The following MACF1 variants were observed in gnomAD, a reference collection of about 807,000 sequenced individuals.
The protein encoded by MACF1 is microtubule actin crosslinking factor 1.
A neutral mutation model predicts 854.8 loss-of-function variants in MACF1; 193 were observed. The observed-to-expected ratio is 0.23, with a 90% confidence interval of 0.20 to 0.25. MACF1 has a LOEUF of 0.25. Ranked by LOEUF, MACF1 falls within the 10% of genes least tolerant of loss-of-function variation. MACF1 has a pLI of 1.00. For missense variants in MACF1, 7,722 were observed against 8,929.1 expected (o/e 0.86, Z 5.45); for synonymous variants, 3,185 against 3,226.7 (o/e 0.99, Z 0.44).
At chr1:39,376,295 C>T (rs772276955) in intron 52 of MACF1, among the ~76,000 whole-genome samples, 27 of 152,150 alleles carry the variant, frequency 1.8e-4, no homozygotes, top group Non-Finnish European at 3.1e-4. Flanking sequence ...CCCTAAAGCA[C>T]GTTTTTAGGG....
intron 2 of MACF1, among the ~76,000 whole-genome samples, chr1:39,119,248 C>T (rs897712206): frequency 9.7e-5 from 13 of 134,664 alleles, no homozygotes; most frequent in Non-Finnish European, 1.4e-4. Context: ...ACCCGGGAGG[C>T]GGAGGTTGCG....
At chr1:39,135,522 GCCACTGCGT>G (rs1643143564) in intron 2 of MACF1, among the ~76,000 whole-genome samples, 1 of 152,148 alleles carries the variant, frequency 6.6e-6, no homozygotes, top group Non-Finnish European at 1.5e-5. Flanking sequence ...ACAGATGTGA[GCCACTGCGT>G]CCGGCCAGAT....
At chr1:39,435,801 C>A in intron 70 of MACF1, 40 bp downstream of exon 70, 1 of 1,579,846 alleles carries the variant, frequency 6.3e-7, no homozygotes, top group Non-Finnish European at 8.7e-7. Flanking sequence ...GAATTGTCTA[C>A]TGTTCTAAAC....
At chr1:39,474,082 C>T (rs1187950532) in intron 97 of MACF1, among the ~76,000 whole-genome samples, 1 of 151,976 alleles carries the variant, frequency 6.6e-6, no homozygotes, top group Non-Finnish European at 1.5e-5. Context: ...AGCAAGACCC[C>T]ATCTCTGTTT....
At position 39,231,233 on chromosome 1, in the gene MACF1, A is replaced by T. The variant is rs1159295173; in HGVS notation, c.161A>T (p.His54Leu). The T allele has an allele frequency of 6.2e-7, 1 of 1,614,166 alleles. No homozygotes were observed. Among genetic ancestry groups the T allele is most frequent in the Non-Finnish European group, 8.5e-7 (1 of 1,180,000 alleles). Residue 54 changes from histidine (H) to leucine (L), a missense_variant, in exon 2 of 101, where the codon CAC becomes CTC. His to Leu is a moderately conservative substitution (Grantham distance 99, BLOSUM62 -3). This residue lies in a region of MACF1 where 82 missense variants were observed against 84.0 expected (regional missense o/e 0.98). Transcript: ENST00000564288. The stretch of plus-strand genomic sequence containing the variant: ...ACGTTCACCAAGTGGGTCAACAAGC[A>T]CTTAATGAAGGTAGGACCCTTTCAT... ...KKTFTKWVNKHLMKVRKHIND... is the reference protein window; with the variant it reads ...KKTFTKWVNKLLMKVRKHIND...
intron 2 of MACF1, among the ~76,000 whole-genome samples, chr1:39,186,214 C>CTCTG (rs1430618940): frequency 3.5e-5 from 2 of 57,952 alleles, no homozygotes; most frequent in South Asian, 8.6e-4. Flanking sequence ...CTCTCTCTCT[C>CTCTG]TGTGTGTGTG....
intron 2 of MACF1, among the ~76,000 whole-genome samples, chr1:39,111,162 T>C (rs74069435): frequency 0.016 from 2,505 of 152,276 alleles, 55 homozygotes; most frequent in African/African-American, 0.057. Flanking sequence ...TGGCATTTAC[T>C]AATTTTCTGG....
chr1:39,375,241 C>T (rs1382774776), intron 52 of MACF1, among the ~76,000 whole-genome samples: 1 of 151,994 alleles, frequency 6.6e-6, no homozygotes, highest in African/African-American at 2.4e-5. Flanking sequence ...ACTAACTTAA[C>T]GAATATAAAA....
intron 2 of MACF1, among the ~76,000 whole-genome samples, chr1:39,150,113 A>G (rs959978692): frequency 4.0e-5 from 6 of 151,534 alleles, no homozygotes; most frequent in African/African-American, 1.5e-4. Context: ...AACCTCCTGC[A>G]CTCAAGCAAT....
intron 58 of MACF1, among the ~76,000 whole-genome samples, chr1:39,392,246 T>A (rs75160908): frequency 0.018 from 2,723 of 152,186 alleles, 85 homozygotes; most frequent in African/African-American, 0.063. Context: ...GGAGAAAAAT[T>A]CTGTGTGTCA....
chr1:39,100,099 C>G (rs1469673683), intron 2 of MACF1, among the ~76,000 whole-genome samples: 2 of 152,086 alleles, frequency 1.3e-5, no homozygotes, highest in Non-Finnish European at 2.9e-5. Context: ...GCCTGTAGTC[C>G]TAGCTGCTGG....
rs184295942 is a variant in MACF1 at position 39,480,645 on chromosome 1, A to T, written c.22171-275A>T. Among the ~76,000 whole-genome samples the T allele has an allele frequency of 4.5e-3, 658 of 146,126 alleles. 1 individual carries two copies. The highest frequency in any genetic ancestry group is 7.7e-3 in the Non-Finnish European group (514 of 66,910). On this transcript the variant is annotated intron_variant, in intron 98 of 100. Coordinates refer to ENST00000564288, the MANE Select transcript of MACF1 (RefSeq NM_001394062.1). The stretch of plus-strand genomic sequence containing the variant: ...ACTCTGTCTCTAAAAAATAAAAATT[A>T]AAAAAAAAAAAAATAAGGAAAAAGG...
intron 15 of MACF1, among the ~76,000 whole-genome samples, chr1:39,289,566 T>G (rs1416337188): frequency 6.6e-6 from 1 of 152,138 alleles, no homozygotes; most frequent in African/African-American, 2.4e-5. Context: ...TCAAATCTTT[T>G]ACTCATTTTT....
At chr1:39,354,729 C>G (rs1647382214) in intron 44 of MACF1, among the ~76,000 whole-genome samples, 1 of 152,182 alleles carries the variant, frequency 6.6e-6, no homozygotes, top group Admixed American at 6.5e-5. Context: ...TAGCATTTCT[C>G]ATTCGATATT....
Position 39,204,863 on chromosome 1 carries a change from G to A in MACF1, c.-160G>A. ...CGCCTGCTGAAAAACAGTCAGAAGTGAGATGGAGGAGAAGCTGCCAGGAAG... is the reference window on the plus strand; with the variant it reads ...CGCCTGCTGAAAAACAGTCAGAAGTAAGATGGAGGAGAAGCTGCCAGGAAG... On this transcript the variant is annotated 5_prime_UTR_variant, in exon 1 of 101. Coordinates refer to ENST00000564288, the MANE Select transcript of MACF1 (RefSeq NM_001394062.1). 1 of 606,616 alleles carries A rather than the reference G, an allele frequency of 1.6e-6. No individual in the cohort carries two copies. Among genetic ancestry groups the A allele is most frequent in the Non-Finnish European group, 2.9e-6 (1 of 341,292 alleles). The allele number at this position is 606,616 out of a possible 1,614,324, so 37.6% of individuals were successfully genotyped here. A position where few individuals can be genotyped will look rare whatever the true frequency, so the allele number is the denominator to read the frequency against.
intron 2 of MACF1, among the ~76,000 whole-genome samples, chr1:39,187,298 C>G (rs1012301292): frequency 1.3e-5 from 2 of 152,212 alleles, no homozygotes; most frequent in Admixed American, 1.3e-4. Flanking sequence ...CAGACTCTCT[C>G]ATGGGACTCT....
At chr1:39,397,246 G>T (rs553754311) in intron 58 of MACF1, among the ~76,000 whole-genome samples, 1 of 152,174 alleles carries the variant, frequency 6.6e-6, no homozygotes, top group African/African-American at 2.4e-5. Context: ...CGAAACTATT[G>T]TAAGTCAGAA....
At chr1:39,478,693 G>A (rs969956724) in intron 97 of MACF1, among the ~76,000 whole-genome samples, 1 of 152,190 alleles carries the variant, frequency 6.6e-6, no homozygotes, top group African/African-American at 2.4e-5. Context: ...TTCCTTAAGG[G>A]ACATATGGGG....
rs200410266 is a variant in MACF1, at chr1:39,429,880, G to T, written c.16942G>T (p.Ala5648Ser). The change falls in exon 65 of 101, where the codon GCA becomes TCA. Residue 5648 changes from alanine (A) to serine (S), a missense_variant. Coordinates refer to ENST00000564288, the MANE Select transcript of MACF1 (RefSeq NM_001394062.1). Reference sequence around the variant, plus strand: ...ACTAGATGGTATAAAGACTCGTTACGCAGACATCACAGTTACTAGCTCCAA... The same window carrying T: ...ACTAGATGGTATAAAGACTCGTTACTCAGACATCACAGTTACTAGCTCCAA... ...EKLDGIKTRY[A>S]DITVTSSKAL... The T allele has an allele frequency of 3.7e-6, 6 of 1,613,938 alleles. No individual in the cohort carries two copies. Among genetic ancestry groups the T allele is most frequent in the Non-Finnish European group, 5.1e-6 (6 of 1,179,948 alleles).
Sources: allele counts gnomAD v4.1 joint callset (sites outside exome capture counted in the v4.1 genomes callset), GRCh38; gene constraint gnomAD v4.1.1; regional missense constraint gnomAD v4.1.1; transcripts MANE v1.5; gene names NCBI Gene and HGNC (gene_info 2026-07-23, HGNC 2026-07-21).